The following CBLC variants were observed in gnomAD, a reference collection of about 807,000 sequenced individuals.
CBLC encodes E3 ubiquitin-protein ligase CBL-C.
CBLC carries 46 observed loss-of-function variants against 58.6 expected under a neutral mutation model. The observed-to-expected ratio is 0.79, with a 90% CI of 0.62 to 1.00. The LOEUF is 1.00. Among genes scored for constraint, CBLC ranks in the 50% least tolerant of loss-of-function variants. The probability of loss-of-function intolerance (pLI) is 0.00; values close to 1 mark genes in which losing one functional copy is unlikely to be tolerated. For missense variants in CBLC, 655 were observed against 625.8 expected (o/e 1.05, Z -0.50); for synonymous variants, 271 against 264.2 (o/e 1.03, Z -0.25).
chr19:44,800,325 G>A, intron 9 of CBLC, 56 bp from the exon 10 acceptor site: 2 of 1,219,814 alleles, frequency 1.6e-6, no homozygotes, highest in East Asian at 2.3e-5. Context: ...AAGAGGGGCA[G>A]AGGGAAAGAT....
intron 9 of CBLC, among the ~76,000 whole-genome samples, chr19:44,797,625 T>G (rs574646644): frequency 7.5e-5 from 11 of 146,554 alleles, no homozygotes; most frequent in South Asian, 2.3e-4. Flanking sequence ...TGTGGTGGCG[T>G]GCACCTGTAA....
At chr19:44,798,201 G>T (rs915105887) in intron 9 of CBLC, among the ~76,000 whole-genome samples, 1 of 93,022 alleles carries the variant, frequency 1.1e-5, no homozygotes, top group South Asian at 4.1e-4. Context: ...GGGTTTTTTT[G>T]TTTGTTTGTT....
At chr19:44,799,695 A>G (rs1275132948) in intron 9 of CBLC, among the ~76,000 whole-genome samples, 1 of 145,054 alleles carries the variant, frequency 6.9e-6, no homozygotes, top group East Asian at 1.9e-4. Flanking sequence ...AAGTAAAGAA[A>G]GAGAGAGAGA....
chr19:44,790,390 C>T (rs1968016188), intron 6 of CBLC, among the ~76,000 whole-genome samples: 1 of 152,136 alleles, frequency 6.6e-6, no homozygotes, highest in African/African-American at 2.4e-5. Context: ...TTCACAGCCA[C>T]CCTACGAGTG....
chr19:44,792,412 C>T lies in CBLC; in HGVS notation c.1035C>T (p.Asp345=), dbSNP rs781426720. ...EEQLQLYWAM[D]STFELCKICA... The stretch of plus-strand genomic sequence containing the variant: ...AGCTGCAGCTCTACTGGGCCATGGA[C>T]TCCACATTTGAGCTCTGCAAGATCT... The change falls in exon 7 of 11, where the codon GAC becomes GAT. Residue 345 remains aspartate, a synonymous_variant. Coordinates refer to ENST00000647358, the MANE Select transcript of CBLC (RefSeq NM_012116.4). 2.5e-6 allele frequency: 4 copies of T among 1,613,742 alleles called. No individual in the cohort carries two copies. The highest frequency in any genetic ancestry group is 3.4e-6 in the Non-Finnish European group (4 of 1,179,936).
chr19:44,794,098 T>G, intron 8 of CBLC, 106 bp from the exon 9 acceptor site: 5 of 1,495,664 alleles, frequency 3.3e-6, no homozygotes, highest in Non-Finnish European at 3.6e-6. Flanking sequence ...TGTTATATCT[T>G]GAGTCTAGAA....
intron 5 of CBLC, among the ~76,000 whole-genome samples, chr19:44,787,156 G>T (rs1316043215): frequency 6.6e-6 from 1 of 152,154 alleles, no homozygotes; most frequent in African/African-American, 2.4e-5. Flanking sequence ...CACTTTAAGA[G>T]GCTGAGGTGG....
chr19:44,784,723 T>C (rs1967842298), intron 5 of CBLC, among the ~76,000 whole-genome samples: 1 of 152,056 alleles, frequency 6.6e-6, no homozygotes, highest in African/African-American at 2.4e-5. Context: ...TTTCTTCCTC[T>C]TTTACTTTAG....
At chr19:44,792,239 CT>C (rs2122487122) in intron 6 of CBLC, 143 bp from the exon 7 acceptor site, 2 of 774,768 alleles carry the variant, frequency 2.6e-6, no homozygotes, top group South Asian at 3.3e-5. Flanking sequence ...GATGATCCCC[CT>C]GCCTCAGCCT....
intron 9 of CBLC, among the ~76,000 whole-genome samples, chr19:44,798,862 C>G (rs1968231412): frequency 6.6e-6 from 1 of 152,188 alleles, no homozygotes; most frequent in South Asian, 2.1e-4. Context: ...CCTCTCTGAT[C>G]TCCCCTACTC....
Position 44,778,036 on chromosome 19 carries a change from C to A in CBLC, c.105C>A (p.Pro35=). 1 of 1,609,446 alleles carries A rather than the reference C, an allele frequency of 6.2e-7. No individual in the cohort carries two copies. The highest frequency in any genetic ancestry group is 8.5e-7 in the Non-Finnish European group (1 of 1,179,644). The change falls in exon 1 of 11, where the codon CCC becomes CCA. Residue 35 remains proline, a synonymous_variant. Transcript: ENST00000647358. ...LQRLEEQCVD[P]RLSVSPPSLR... ...GCCTAGAAGAGCAATGCGTCGACCC[C>A]CGGCTGTCCGTGAGTCCCCCTTCGC...
intron 4 of CBLC, 72 bp from the exon 5 acceptor site, chr19:44,784,192 G>T: frequency 3.5e-6 from 5 of 1,413,830 alleles, no homozygotes; most frequent in African/African-American, 1.4e-5. Context: ...CAACAGGCCA[G>T]GGGACTGGAA....
In CBLC at chr19:44,783,563, C is replaced by G. The variant is rs371477796; in HGVS notation, c.780-701C>G. Among the ~76,000 whole-genome samples, 452 of 151,988 alleles carry G rather than the reference C, an allele frequency of 3.0e-3. No homozygotes were observed. The Middle Eastern group carries it at 0.034, about 12-fold the overall frequency. On this transcript the variant is annotated intron_variant, in intron 4 of 10. Coordinates refer to ENST00000647358, the MANE Select transcript of CBLC (RefSeq NM_012116.4). ...TGGCATGGTGATGCGTGCCTATAGTCCCAGCTACTTGGGAGGTTGAGGCAC... is the reference window on the plus strand; with the variant it reads ...TGGCATGGTGATGCGTGCCTATAGTGCCAGCTACTTGGGAGGTTGAGGCAC...
At chr19:44,796,108 G>A (rs556214823) in intron 9 of CBLC, among the ~76,000 whole-genome samples, 4 of 151,978 alleles carry the variant, frequency 2.6e-5, no homozygotes, top group African/African-American at 9.7e-5. Flanking sequence ...CCAGCTACTT[G>A]GAAGACTGTG....
intron 5 of CBLC, among the ~76,000 whole-genome samples, chr19:44,785,683 C>G (rs894637699): frequency 6.6e-6 from 1 of 151,636 alleles, no homozygotes; most frequent in Non-Finnish European, 1.5e-5. Flanking sequence ...CGCCTGTAAT[C>G]CCAGCACTTT....
intron 1 of CBLC, 48 bp downstream of exon 1, chr19:44,778,332 T>C (rs1464895811): frequency 1.5e-6 from 2 of 1,350,710 alleles, no homozygotes; most frequent in African/African-American, 1.6e-5. Context: ...GGCCCAGGTC[T>C]TGCTCCCAGC....
rs570697718 is a variant in CBLC at position 44,785,926 on chromosome 19, C to T, written c.917+1525C>T. Among the ~76,000 whole-genome samples the T allele has an allele frequency of 2.6e-5, 4 of 151,930 alleles. No individual in the cohort carries two copies. The East Asian group carries it at 7.7e-4, about 29-fold the overall frequency. ...CTCCAGCCTGGGTGACAGAGCGAGA[C>T]TCCATCTGAAAAAAACAAAACAAAA... On this transcript the variant is annotated intron_variant, in intron 5 of 10. Transcript: ENST00000647358.
chr19:44,783,241 T>G (rs1967796624), intron 4 of CBLC, among the ~76,000 whole-genome samples: 1 of 151,780 alleles, frequency 6.6e-6, no homozygotes, highest in South Asian at 2.1e-4. Context: ...GCGCAGTGGC[T>G]CACGCCTGTA....
intron 6 of CBLC, among the ~76,000 whole-genome samples, chr19:44,791,744 A>AAAAG (rs1968055732): frequency 6.6e-6 from 1 of 152,016 alleles, no homozygotes; most frequent in Non-Finnish European, 1.5e-5. Flanking sequence ...AAAAAAAAAA[A>AAAAG]AAAAAATGAG....
Sources: gnomAD v4.1 joint callset for allele counts (sites outside exome capture counted in the v4.1 genomes callset) on GRCh38, gnomAD v4.1.1 for gene constraint, MANE v1.5 for transcripts, NCBI Gene and HGNC (gene_info 2026-07-23, HGNC 2026-07-21) for gene names.